Variants in CDK19 observed in about 807,000 individuals in gnomAD.
The protein encoded by CDK19 is cyclin dependent kinase 19.
Under a neutral mutation model 68.3 loss-of-function variants are expected in CDK19, and 20 were observed. The observed-to-expected ratio is 0.29, with a 90% confidence interval of 0.21 to 0.43. The LOEUF is 0.43. Among genes scored for constraint, CDK19 ranks in the 20% least tolerant of loss-of-function variants. The pLI is 1.00. For missense variants in CDK19, 339 were observed against 623.5 expected (o/e 0.54, Z 4.86); for synonymous variants, 221 against 222.8 (o/e 0.99, Z 0.07).
intron 2 of CDK19, among the ~76,000 whole-genome samples, chr6:110,736,943 T>C (rs1358939189): frequency 6.6e-6 from 1 of 152,190 alleles, no homozygotes; most frequent in African/African-American, 2.4e-5. Context: ...ATCTAACTGC[T>C]TAGAGCAAGA....
rs1054138296 is a variant in CDK19, at chr6:110,613,454, G to A, written c.*1081C>T. 2 of 152,546 alleles carry A rather than the reference G, an allele frequency of 1.3e-5. No individual in the cohort carries two copies. Among genetic ancestry groups the A allele is most frequent in the African/African-American group, 2.4e-5 (1 of 41,504 alleles). The allele number at this position is 152,546 out of a possible 1,614,324, so 9.4% of individuals were successfully genotyped here. A position where few individuals can be genotyped will look rare whatever the true frequency, so the allele number is the denominator to read the frequency against. On this transcript the variant is annotated 3_prime_UTR_variant, in exon 13 of 13. Transcript: ENST00000368911. ...GTCACTCTATATCTAATACAAATAC[G>A]AATGGAGAACACTGCTCTTTATTTT...
intron 2 of CDK19, among the ~76,000 whole-genome samples, chr6:110,718,106 C>T (rs1393009518): frequency 6.6e-6 from 1 of 152,166 alleles, no homozygotes; most frequent in African/African-American, 2.4e-5. Context: ...AATCTGCCGG[C>T]ACCTTGATCT....
At chr6:110,691,427 TCATGCCATTGCACCC>T (rs960715737) in intron 2 of CDK19, among the ~76,000 whole-genome samples, 1 of 150,562 alleles carries the variant, frequency 6.6e-6, no homozygotes, top group African/African-American at 2.4e-5. Context: ...TGAGCTGAGA[TCATGCCATTGCACCC>T]CAGCCTGGGC....
intron 2 of CDK19, among the ~76,000 whole-genome samples, chr6:110,701,871 G>A (rs991762113): frequency 3.3e-5 from 5 of 151,902 alleles, no homozygotes; most frequent in African/African-American, 9.7e-5. Context: ...GGCCAGGCAC[G>A]GTGGCTCACG....
chr6:110,805,617 G>A (rs1782628356), intron 1 of CDK19, among the ~76,000 whole-genome samples: 1 of 149,064 alleles, frequency 6.7e-6, no homozygotes, highest in Non-Finnish European at 1.5e-5. Context: ...CATATACGCA[G>A]GTTTCACAAA....
chr6:110,639,805 G>C, intron 4 of CDK19, among the ~76,000 whole-genome samples: 1 of 152,198 alleles, frequency 6.6e-6, no homozygotes, highest in Non-Finnish European at 1.5e-5. Flanking sequence ...AGTGGGAATG[G>C]TGTCCATTAG....
intron 8 of CDK19, among the ~76,000 whole-genome samples, chr6:110,625,329 T>C (rs1489595269): frequency 6.6e-6 from 1 of 152,062 alleles, no homozygotes; most frequent in Non-Finnish European, 1.5e-5. Context: ...AATAATTTTT[T>C]TTTTTAATAA....
chr6:110,652,192 A>T (rs1387363336), intron 4 of CDK19, among the ~76,000 whole-genome samples: 2 of 152,200 alleles, frequency 1.3e-5, no homozygotes, highest in East Asian at 3.8e-4. Flanking sequence ...AAGCTAAAAA[A>T]GAAAACAAAG....
chr6:110,812,124 CT>C (rs72281030), intron 1 of CDK19, among the ~76,000 whole-genome samples: 1,931 of 145,186 alleles, frequency 0.013, 8 homozygotes, highest in Middle Eastern at 0.021. Flanking sequence ...GAACAAATAA[CT>C]TTTTTTTTTT....
rs544123098 is a variant in CDK19, at chr6:110,610,223, T to A, written c.*4312A>T. The A allele has an allele frequency of 2.6e-5, 4 of 152,556 alleles. No homozygotes were observed. The South Asian group carries it at 8.3e-4, about 32-fold the overall frequency. The allele number at this position is 152,556 out of a possible 1,614,324, so 9.5% of individuals were successfully genotyped here. A position where few individuals can be genotyped will look rare whatever the true frequency, so the allele number is the denominator to read the frequency against. ...ATCTCTATAACCATATAAAGGGGGA[T>A]GCGTGCAGAAAATGACTGAAAAAAG... On this transcript the variant is annotated 3_prime_UTR_variant, in exon 13 of 13. Coordinates refer to ENST00000368911, the MANE Select transcript of CDK19 (RefSeq NM_015076.5).
At chr6:110,804,035 G>C (rs774638868) in intron 1 of CDK19, among the ~76,000 whole-genome samples, 2 of 152,124 alleles carry the variant, frequency 1.3e-5, no homozygotes, top group Non-Finnish European at 2.9e-5. Flanking sequence ...GGGACGGAGG[G>C]AGGGAGTTTT....
At chr6:110,720,501 G>GT (rs1401101578) in intron 2 of CDK19, among the ~76,000 whole-genome samples, 2 of 152,170 alleles carry the variant, frequency 1.3e-5, no homozygotes, top group African/African-American at 4.8e-5. Context: ...TCACAAAACA[G>GT]TAATTATTTG....
At chr6:110,639,087 T>C (rs562139447) in intron 4 of CDK19, among the ~76,000 whole-genome samples, 1 of 152,332 alleles carries the variant, frequency 6.6e-6, no homozygotes, top group Admixed American at 6.5e-5. Context: ...TTCATATGAA[T>C]AAGTTGAATG....
In CDK19 at chr6:110,670,416, T is replaced by G; in HGVS notation, c.315+15A>C. 5.8e-6 allele frequency: 8 copies of G among 1,386,958 alleles called. No individual in the cohort carries two copies. The highest frequency in any genetic ancestry group is 1.2e-5 in the South Asian group (1 of 86,218). The allele number at this position is 1,386,958 out of a possible 1,614,324, so 85.9% of individuals were successfully genotyped here. ...ATATAAAACAATCCTAGAAATACAG[T>G]GAGATTATACTTACCCACAAGTCAT... is the stretch of plus-strand genomic sequence containing the variant. On this transcript the variant is annotated intron_variant, in intron 3 of 12. Coordinates refer to ENST00000368911, the MANE Select transcript of CDK19 (RefSeq NM_015076.5).
chr6:110,809,172 GC>G (rs1562305582), intron 1 of CDK19, among the ~76,000 whole-genome samples: 6 of 148,716 alleles, frequency 4.0e-5, no homozygotes, highest in Non-Finnish European at 8.9e-5. Flanking sequence ...CCGAGACTGC[GC>G]CACTGCACTC....
intron 4 of CDK19, among the ~76,000 whole-genome samples, chr6:110,651,733 C>G (rs1430348883): frequency 6.6e-6 from 1 of 152,184 alleles, no homozygotes; most frequent in Non-Finnish European, 1.5e-5. Flanking sequence ...AGCATTCCCT[C>G]TTTCTCTATT....
At chr6:110,806,091 G>C (rs2115134663) in intron 1 of CDK19, among the ~76,000 whole-genome samples, 1 of 152,144 alleles carries the variant, frequency 6.6e-6, no homozygotes, top group Non-Finnish European at 1.5e-5. Context: ...TGTAATCCCA[G>C]CACTTTGGGA....
At chr6:110,807,560 A>G (rs1414261152) in intron 1 of CDK19, among the ~76,000 whole-genome samples, 3 of 152,120 alleles carry the variant, frequency 2.0e-5, no homozygotes, top group Non-Finnish European at 4.4e-5. Flanking sequence ...CCCAGGTTCA[A>G]GCAATTATTG....
chr6:110,647,476 A>G (rs1284075790), intron 4 of CDK19, among the ~76,000 whole-genome samples: 1 of 152,206 alleles, frequency 6.6e-6, no homozygotes, highest in East Asian at 1.9e-4. Context: ...AGAAGAGAGA[A>G]AGTGCAAATA....
Sources: gnomAD v4.1 joint callset for allele counts (sites outside exome capture counted in the v4.1 genomes callset) on GRCh38, gnomAD v4.1.1 for gene constraint, MANE v1.5 for transcripts, NCBI Gene and HGNC (gene_info 2026-07-23, HGNC 2026-07-21) for gene names.